PHIP: variants seen among roughly 807,000 people sequenced by gnomAD.
PHIP encodes PH-interacting protein.
Under a neutral mutation model 236.8 loss-of-function variants are expected in PHIP, and 54 were observed. The observed-to-expected ratio is 0.23, with a 90% CI of 0.18 to 0.29. PHIP has a LOEUF of 0.29. PHIP is among the 10% of genes least tolerant of loss of function. The probability of loss-of-function intolerance (pLI) is 1.00; values close to 1 mark genes in which losing one functional copy is unlikely to be tolerated. For synonymous variants in PHIP, 756 were observed against 718.9 expected, an observed-to-expected ratio of 1.05 and a Z score of -0.83; for missense variants, 1,370 against 2,190.8, an observed-to-expected ratio of 0.63 and a Z score of 7.48.
intron 27 of PHIP, among the ~76,000 whole-genome samples, chr6:78,969,479 A>G (rs962367834): frequency 3.9e-5 from 6 of 152,212 alleles, no homozygotes; most frequent in African/African-American, 1.4e-4. Flanking sequence ...TAAAAGAAAA[A>G]TGTCAGTTTA....
At chr6:78,973,266 C>A (rs1767751077) in intron 24 of PHIP, among the ~76,000 whole-genome samples, 2 of 151,592 alleles carry the variant, frequency 1.3e-5, no homozygotes, top group Non-Finnish European at 2.9e-5. Flanking sequence ...AATTTCATAT[C>A]CAGCCAAAGT....
chr6:78,990,938 G>C lies in PHIP; in HGVS notation c.2249C>G (p.Thr750Ser). The C allele has an allele frequency of 6.2e-7, 1 of 1,611,712 alleles. No individual in the cohort carries two copies. The highest frequency in any genetic ancestry group is 8.5e-7 in the Non-Finnish European group (1 of 1,178,354). ...RTAKGEEEIK[T>S]YRSEEKRKHL... ...TTTTCTTTTCTCTTCTGACCTGTAAGTCTTTATTTCTTCTTCTCCCTTTGC... is the reference window on the plus strand; with the variant it reads ...TTTTCTTTTCTCTTCTGACCTGTAACTCTTTATTTCTTCTTCTCCCTTTGC... Residue 750 changes from threonine (T) to serine (S), a missense_variant, in exon 20 of 40, where the codon ACT (threonine) becomes AGT (serine). Thr to Ser is a moderately conservative substitution (Grantham distance 58, BLOSUM62 1). This residue lies in a region of PHIP where 99 missense variants were observed against 110.0 expected (regional missense o/e 0.90). Coordinates refer to ENST00000275034, the MANE Select transcript of PHIP (RefSeq NM_017934.7).
chr6:79,065,288 T>C (rs1004375713), intron 4 of PHIP, among the ~76,000 whole-genome samples: 3 of 152,218 alleles, frequency 2.0e-5, no homozygotes, highest in African/African-American at 7.2e-5. Flanking sequence ...ACACTTCTGA[T>C]GCTTTCCTCA....
At position 78,955,015 on chromosome 6, in the gene PHIP, A is replaced by C. The variant is rs756912970; in HGVS notation, c.3904-52T>G. 2.2e-6 allele frequency: 3 copies of C among 1,336,668 alleles called. No individual in the cohort carries two copies. The Admixed American group carries it at 7.7e-5, about 34-fold the overall frequency. The allele number at this position is 1,336,668 out of a possible 1,614,324, so 82.8% of individuals were successfully genotyped here. The stretch of plus-strand genomic sequence containing the variant: ...AATAAAAGAGCACTTACACAATAAA[A>C]TTTGTACTTTTAATGTAGTCTTAGA... On this transcript the variant is annotated intron_variant, in intron 34 of 39. Coordinates refer to ENST00000275034, the MANE Select transcript of PHIP (RefSeq NM_017934.7).
chr6:79,007,882 A>G (rs1166226044), intron 15 of PHIP, among the ~76,000 whole-genome samples: 1 of 152,080 alleles, frequency 6.6e-6, no homozygotes, highest in Non-Finnish European at 1.5e-5. Flanking sequence ...TTTAGATTAG[A>G]GCTTGCCAAC....
chr6:78,958,353 G>A (rs1695118343), intron 32 of PHIP, 122 bp downstream of exon 32: 1 of 625,466 alleles, frequency 1.6e-6, no homozygotes, highest in Non-Finnish European at 2.8e-6. Context: ...TCTCCCAGCT[G>A]AGCTATTTTG....
rs577205826 is a variant in PHIP at position 79,038,420 on chromosome 6, TG to T, written c.600+4422del. On this transcript the variant is annotated intron_variant, in intron 7 of 39. Coordinates refer to ENST00000275034, the MANE Select transcript of PHIP (RefSeq NM_017934.7). ...ATCTCCTAAAGCCCTCACCTCTTAA[TG>T]CTACCACATTGGGGATTAATTAGGT... Among the ~76,000 whole-genome samples the T allele has an allele frequency of 1.2e-3, 179 of 152,366 alleles. 1 individual carries two copies. The highest frequency in any genetic ancestry group is 2.1e-3 in the Non-Finnish European group (140 of 68,034).
chr6:78,998,168 A>G (rs997119674), intron 18 of PHIP, 86 bp downstream of exon 18: 1 of 992,452 alleles, frequency 1.0e-6, no homozygotes, highest in Non-Finnish European at 1.5e-6. Context: ...GATGTACCAT[A>G]ATTTTTTTAA....
intron 6 of PHIP, among the ~76,000 whole-genome samples, chr6:79,056,089 G>C (rs760378036): frequency 2.0e-5 from 3 of 152,134 alleles, no homozygotes; most frequent in Non-Finnish European, 4.4e-5. Context: ...TCTCTAAAGA[G>C]CAATAAAACA....
At chr6:78,994,438 A>G (rs1769479230) in intron 19 of PHIP, among the ~76,000 whole-genome samples, 1 of 152,126 alleles carries the variant, frequency 6.6e-6, no homozygotes, top group Non-Finnish European at 1.5e-5. Flanking sequence ...TTATCCAGGC[A>G]TGGTGGCATG....
chr6:79,002,918 A>T (rs977233103), intron 16 of PHIP, among the ~76,000 whole-genome samples: 4 of 152,102 alleles, frequency 2.6e-5, no homozygotes, highest in African/African-American at 9.7e-5. Flanking sequence ...ATGTTTTGAG[A>T]TGATATAAAA....
chr6:78,981,991 C>T (rs1582162812), intron 23 of PHIP, among the ~76,000 whole-genome samples: 1 of 152,016 alleles, frequency 6.6e-6, no homozygotes, highest in Middle Eastern at 3.4e-3. Flanking sequence ...AAAATAAACA[C>T]TTAAAACAGA....
chr6:78,943,174 T>A (rs1452650582), intron 39 of PHIP, among the ~76,000 whole-genome samples: 3 of 152,168 alleles, frequency 2.0e-5, no homozygotes, highest in African/African-American at 7.2e-5. Context: ...GTACAAAATT[T>A]AAAATTACAT....
intron 9 of PHIP, among the ~76,000 whole-genome samples, chr6:79,020,538 C>A (rs1213788885): frequency 6.6e-6 from 1 of 152,118 alleles, no homozygotes; most frequent in Non-Finnish European, 1.5e-5. Flanking sequence ...GATTATAGCT[C>A]TAGATTTTTT....
At chr6:79,038,731 T>C (rs976718722) in intron 7 of PHIP, among the ~76,000 whole-genome samples, 9 of 152,128 alleles carry the variant, frequency 5.9e-5, no homozygotes, top group Non-Finnish European at 1.3e-4. Flanking sequence ...TATTCCATTT[T>C]CCAAGCTGAA....
intron 17 of PHIP, 71 bp downstream of exon 17, chr6:79,001,828 T>C (rs1214067985): frequency 1.1e-6 from 1 of 948,430 alleles, no homozygotes; most frequent in Non-Finnish European, 1.7e-6. Flanking sequence ...AACAAAGTTT[T>C]ACTCAATTAG....
intron 4 of PHIP, among the ~76,000 whole-genome samples, chr6:79,071,688 A>T (rs1773888246): frequency 6.6e-6 from 1 of 152,158 alleles, no homozygotes; most frequent in South Asian, 2.1e-4. Context: ...TTAGTATTAC[A>T]GATATTTTTC....
chr6:78,973,059 C>T (rs1474051892), intron 24 of PHIP, among the ~76,000 whole-genome samples: 1 of 152,024 alleles, frequency 6.6e-6, no homozygotes, highest in Non-Finnish European at 1.5e-5. Flanking sequence ...AAGAGCAACT[C>T]CAAGACACAT....
chr6:79,058,753 T>C (rs1468295597), intron 6 of PHIP, among the ~76,000 whole-genome samples: 2 of 152,106 alleles, frequency 1.3e-5, no homozygotes, highest in Non-Finnish European at 2.9e-5. Context: ...GCAAATGTTA[T>C]TTACCATCAA....
Sources: gnomAD v4.1 joint callset for allele counts (sites outside exome capture counted in the v4.1 genomes callset) on GRCh38, gnomAD v4.1.1 for gene constraint, gnomAD v4.1.1 regional missense constraint, MANE v1.5 for transcripts, NCBI Gene and HGNC (gene_info 2026-07-23, HGNC 2026-07-21) for gene names.